CELF2: variants seen among roughly 807,000 people sequenced by gnomAD.
The protein encoded by CELF2 is CUGBP Elav-like family member 2, also known as CUG triplet repeat RNA-binding protein 2.
CELF2 carries 8 observed loss-of-function variants against 62.6 expected under a neutral mutation model. The observed-to-expected ratio is 0.13, with a 90% CI of 0.07 to 0.23. The LOEUF is 0.23. CELF2 is among the 10% of genes least tolerant of loss of function. The probability of loss-of-function intolerance (pLI) is 1.00; values close to 1 mark genes in which losing one functional copy is unlikely to be tolerated. For missense variants in CELF2, 333 were observed against 671.0 expected (o/e 0.50, Z 5.56); for synonymous variants, 258 against 250.0 (o/e 1.03, Z -0.30).
the CELF2 span, among the ~76,000 whole-genome samples, chr10:10,720,080 G>A: frequency 6.6e-6 from 1 of 152,204 alleles, no homozygotes; most frequent in African/African-American, 2.4e-5. Context: ...GTTTCATGAG[G>A]AGAGGAAGGG....
intron 1 of CELF2, among the ~76,000 whole-genome samples, chr10:10,873,775 G>A (rs1278582847): frequency 6.6e-6 from 1 of 152,146 alleles, no homozygotes; most frequent in Non-Finnish European, 1.5e-5. Flanking sequence ...TCCCTATCCA[G>A]TTCTCCCTGT....
chr10:10,645,758 C>T, the CELF2 span, among the ~76,000 whole-genome samples: 1 of 152,150 alleles, frequency 6.6e-6, no homozygotes, highest in South Asian at 2.1e-4. Context: ...CTACAAAGTG[C>T]CTGGTGGGGA....
chr10:10,851,659 C>G (rs998189487), intron 1 of CELF2, among the ~76,000 whole-genome samples: 2 of 152,046 alleles, frequency 1.3e-5, no homozygotes, highest in Non-Finnish European at 2.9e-5. Flanking sequence ...AATGAAAAGA[C>G]AAACCACAGA....
Position 11,259,429 on chromosome 10 carries a change from T to TAAAA in CELF2, c.538+1571_538+1574dup, listed in dbSNP as rs11404486. 2.9e-5 allele frequency among the ~76,000 whole-genome samples: 4 copies of TAAAA among 137,560 alleles called. No individual in the cohort carries two copies. The East Asian group carries it at 6.4e-4, about 22-fold the overall frequency. The allele number at this position is 137,560 out of a possible 152,430, so 90.2% of individuals were successfully genotyped here. A position where few individuals can be genotyped will look rare whatever the true frequency, so the allele number is the denominator to read the frequency against. On this transcript the variant is annotated intron_variant, in intron 5 of 12. Coordinates refer to ENST00000633077, the MANE Select transcript of CELF2 (RefSeq NM_001326342.2). ...CCTGTGTTTTCTTCGGAAGGTGGTT[T>TAAAA]AAAAAAAAAAAAAAAAAGGCGGCAT... is the stretch of plus-strand genomic sequence containing the variant.
At chr10:10,827,410 T>A (rs2057482742) in intron 1 of CELF2, among the ~76,000 whole-genome samples, 1 of 152,192 alleles carries the variant, frequency 6.6e-6, no homozygotes, top group Non-Finnish European at 1.5e-5. Flanking sequence ...AGGAAAAATA[T>A]AAAATGCAAA....
rs562098849 is a variant in CELF2 at position 10,993,822 on chromosome 10, G to A, written c.89+73823G>A. Among the ~76,000 whole-genome samples the A allele has an allele frequency of 5.3e-5, 8 of 152,242 alleles. No individual in the cohort carries two copies. Among genetic ancestry groups the A allele is most frequent in the African/African-American group, 1.9e-4 (8 of 41,538 alleles). On this transcript the variant is annotated intron_variant, in intron 2 of 13. Coordinates refer to the CELF2 transcript ENST00000636488. The surrounding 1 kb of genome is among the most constrained non-coding windows in gnomAD (Gnocchi z 5.3). Reference sequence around the variant, plus strand: ...ACCTGGGAATGTGATTGTATTTGGAGATAGAACCTTTAAGGAAGTAATTAG... The same window carrying A: ...ACCTGGGAATGTGATTGTATTTGGAAATAGAACCTTTAAGGAAGTAATTAG...
In CELF2 at chr10:10,938,442, G is replaced by A. The variant is rs768870120; in HGVS notation, c.89+18443G>A. ...TCAGAGAATATGCCTGGGTTTTTGT[G>A]TCCTTCAAATTTCGTTTGAATGAAC... On this transcript the variant is annotated intron_variant, in intron 2 of 13. Coordinates refer to the CELF2 transcript ENST00000636488. The surrounding 1 kb of genome is among the most constrained non-coding windows in gnomAD (Gnocchi z 4.2). 6.6e-5 allele frequency among the ~76,000 whole-genome samples: 10 copies of A among 152,182 alleles called. No individual in the cohort carries two copies. Among genetic ancestry groups the A allele is most frequent in the Admixed American group, 3.3e-4 (5 of 15,276 alleles).
At chr10:11,104,520 A>G (rs1035295510) in intron 1 of CELF2, among the ~76,000 whole-genome samples, 1 of 152,118 alleles carries the variant, frequency 6.6e-6, no homozygotes, top group African/African-American at 2.4e-5. Context: ...TTGTCCCTAC[A>G]AAAAATACAA....
At chr10:10,772,150 T>C in the CELF2 span, among the ~76,000 whole-genome samples, 1 of 152,092 alleles carries the variant, frequency 6.6e-6, no homozygotes, top group Non-Finnish European at 1.5e-5. Flanking sequence ...CCGGAAGTAT[T>C]ATTATATTCA....
At chr10:10,878,850 C>A (rs577258011) in intron 1 of CELF2, among the ~76,000 whole-genome samples, 1 of 152,348 alleles carries the variant, frequency 6.6e-6, no homozygotes, top group South Asian at 2.1e-4. Flanking sequence ...CTCTGCCAAG[C>A]TCTGGGTGAA....
chr10:10,813,797 G>C (rs1050377352), intron 1 of CELF2, among the ~76,000 whole-genome samples: 7 of 152,322 alleles, frequency 4.6e-5, no homozygotes, highest in Admixed American at 3.3e-4. Context: ...TTGGGCCATG[G>C]GCCGTGGTTT....
chr10:11,099,406 G>A (rs1004120796), intron 1 of CELF2, among the ~76,000 whole-genome samples: 4 of 152,144 alleles, frequency 2.6e-5, no homozygotes, highest in African/African-American at 7.2e-5. Context: ...AAATTCTGGC[G>A]TGGTTTCCCT....
In CELF2 at chr10:10,951,242, C is replaced by T. The variant is rs887195626; in HGVS notation, c.89+31243C>T. Among the ~76,000 whole-genome samples, 9 of 152,196 alleles carry T rather than the reference C, an allele frequency of 5.9e-5. No homozygotes were observed. In the South Asian group the frequency reaches 1.9e-3, roughly 32 times the overall value. ...CTCAGCAGCCTCGACCTTTTGGGCT[C>T]AAGCCATCCTCCCACCTTGGCTTTC... is the stretch of plus-strand genomic sequence containing the variant. On this transcript the variant is annotated intron_variant, in intron 2 of 13. Transcript: ENST00000636488.
chr10:11,062,939 ACC>A (rs34216576), intron 1 of CELF2, among the ~76,000 whole-genome samples: 18 of 151,256 alleles, frequency 1.2e-4, no homozygotes, highest in African/African-American at 3.9e-4. Context: ...CTTCAGCAGC[ACC>A]CCCCCCGCCA....
At chr10:10,923,447 G>A (rs549175107) in intron 2 of CELF2, among the ~76,000 whole-genome samples, 25 of 152,206 alleles carry the variant, frequency 1.6e-4, no homozygotes, top group Non-Finnish European at 3.4e-4. Flanking sequence ...TCCGGCCACT[G>A]GTGGATAATA....
At chr10:10,839,612 T>G (rs1174161964) in intron 1 of CELF2, among the ~76,000 whole-genome samples, 1 of 152,222 alleles carries the variant, frequency 6.6e-6, no homozygotes, top group East Asian at 1.9e-4. Flanking sequence ...TAAGAATATT[T>G]TTTCCTTCAT....
intron 1 of CELF2, among the ~76,000 whole-genome samples, chr10:11,086,983 C>T (rs1432084743): frequency 6.6e-6 from 1 of 152,140 alleles, no homozygotes; most frequent in African/African-American, 2.4e-5. Flanking sequence ...CATTCACTGG[C>T]TTGTGTGCCA....
the CELF2 span, among the ~76,000 whole-genome samples, chr10:10,555,012 AT>A: frequency 1.5e-4 from 23 of 152,202 alleles, no homozygotes; most frequent in Non-Finnish European, 2.9e-5. Context: ...TTCCAGGGGC[AT>A]TAAAAAGAGT....
At position 11,018,117 on chromosome 10, in the gene CELF2, C is replaced by T; in HGVS notation, c.28C>T (p.Leu10Phe). 1 of 1,515,214 alleles carries T rather than the reference C, an allele frequency of 6.6e-7. No homozygotes were observed. The highest frequency in any genetic ancestry group is 8.9e-7 in the Non-Finnish European group (1 of 1,128,140). 93.9% of individuals were successfully genotyped at this position (1,515,214 alleles called of 1,614,324 possible). A position where few individuals can be genotyped will look rare whatever the true frequency, so the allele number is the denominator to read the frequency against. Residue 10 changes from leucine to phenylalanine, a missense_variant, in exon 1 of 13, where the codon CTC (leucine) becomes TTC (phenylalanine). Physicochemically the swap from Leu to Phe is conservative, Grantham distance 22. Transcript: ENST00000633077. ...GACTTCTGCCTTCAAGCTGGATTTC[C>T]TCCCGGACATGATGGTCGAGGGCCG... Reference protein sequence around the residue: MTSAFKLDFLPDMMVEGRLL... With the variant: MTSAFKLDFFPDMMVEGRLL...
Sources: allele counts gnomAD v4.1 joint callset (sites outside exome capture counted in the v4.1 genomes callset), GRCh38; gene constraint gnomAD v4.1.1; non-coding constraint Gnocchi (gnomAD v3.1); transcripts MANE v1.5; gene names NCBI Gene and HGNC (gene_info 2026-07-23, HGNC 2026-07-21).